The following P2RX6 variants were observed in gnomAD, a reference collection of about 807,000 sequenced individuals.
P2RX6 encodes the protein purinergic receptor P2X 6.
A neutral mutation model predicts 54.2 loss-of-function variants in P2RX6; 62 were observed. The observed-to-expected ratio is 1.14, with a 90% confidence interval of 0.93 to 1.41. P2RX6 has a LOEUF of 1.41. Among genes scored for constraint, P2RX6 ranks in the 40% most tolerant of loss-of-function variants. The pLI is 0.00. For missense variants in P2RX6, 541 were observed against 566.3 expected (o/e 0.96, Z 0.45); for synonymous variants, 211 against 231.9 (o/e 0.91, Z 0.82).
chr22:21,020,422 C>T (rs1310710369), intron 3 of P2RX6, among the ~76,000 whole-genome samples: 1 of 152,058 alleles, frequency 6.6e-6, no homozygotes, highest in Non-Finnish European at 1.5e-5. Context: ...ACCGCTGAGC[C>T]TCCCCGCTGG....
intron 2 of P2RX6, among the ~76,000 whole-genome samples, chr22:21,017,198 C>CT (rs1215140022): frequency 2.6e-5 from 4 of 152,202 alleles, no homozygotes; most frequent in African/African-American, 9.7e-5. Context: ...GCCTGCAGCG[C>CT]CTGCTTCTAC....
In P2RX6 at chr22:21,026,280, T is replaced by G. The variant is rs138894413; in HGVS notation, c.1079T>G (p.Leu360Arg). 1.2e-6 allele frequency: 2 copies of G among 1,606,044 alleles called. No homozygotes were observed. Among genetic ancestry groups the G allele is most frequent in the African/African-American group, 2.7e-5 (2 of 74,800 alleles). Residue 360 changes from leucine (L) to arginine (R), a missense_variant, in exon 11 of 12, where the codon CTG (leucine) becomes CGG (arginine). Transcript: ENST00000413302. The surrounding 1 kb of genome is among the most constrained non-coding windows in gnomAD (Gnocchi z 4.0). ...ACCTTTTTCTGTGACCTGCTACTGC[T>G]GTATGTGGATAGAGAAGCCCATTTC... The part of the protein sequence containing the change: ...VVTFFCDLLL[L>R]YVDREAHFYW...
chr22:21,015,058 A>G, upstream of P2RX6: 1 of 588,406 alleles, frequency 1.7e-6, no homozygotes, highest in East Asian at 3.4e-5. Flanking sequence ...TGGGTGTTGG[A>G]GGCTGGATCT....
At chr22:21,025,017 A>T (rs1335444512) in intron 8 of P2RX6, among the ~76,000 whole-genome samples, 1 of 149,494 alleles carries the variant, frequency 6.7e-6, no homozygotes, top group Non-Finnish European at 1.5e-5. Flanking sequence ...AGTAGCTGTG[A>T]TTACAGGTGC....
At chr22:21,013,105 G>T, upstream of P2RX6, 1 of 163,460 alleles carries the variant, frequency 6.1e-6, no homozygotes. Flanking sequence ...ACAGAAAGCA[G>T]AAGATGGGCA....
rs1348114409 is a variant in P2RX6, at chr22:21,025,996, T to C, written c.985-15T>C. 6.2e-7 allele frequency: 1 copy of C among 1,607,028 alleles called. No homozygotes were observed. The highest frequency in any genetic ancestry group is 8.5e-7 in the Non-Finnish European group (1 of 1,176,780). ...ACAGTCGTGGGCTGAGAGGTTCAGC[T>C]CAGATCTCTCTCAGGCAGGGAAGTT... On this transcript the variant is annotated splice_polypyrimidine_tract_variant and intron_variant, in intron 9 of 11. Transcript: ENST00000413302.
intron 3 of P2RX6, among the ~76,000 whole-genome samples, chr22:21,021,800 T>C (rs750662380): frequency 1.2e-4 from 19 of 152,104 alleles, no homozygotes; most frequent in Non-Finnish European, 2.6e-4. Context: ...AGCCCCATAG[T>C]CCTATGCCTC....
rs146295948 is a variant in P2RX6, at chr22:21,023,124, C to T, written c.564C>T (p.Pro188=). ...PVESGVVPSR[P]LLAQAQNFTL... is the part of the protein sequence containing the mutation. The stretch of plus-strand genomic sequence containing the variant: ...ACCTCCCTTCCACCTGCAGGAGGCC[C>T]CTGCTGGCCCAGGCCCAGAACTTCA... Residue 188 remains proline (P), a synonymous_variant, in exon 6 of 12, where the codon CCC becomes CCT. Coordinates refer to ENST00000413302, the MANE Select transcript of P2RX6 (RefSeq NM_005446.5). 25 of 1,613,920 alleles carry T rather than the reference C, an allele frequency of 1.5e-5. No individual in the cohort carries two copies. The Middle Eastern group carries it at 2.1e-3, about 138-fold the overall frequency.
In P2RX6 at chr22:21,023,409, C is replaced by T. The variant is rs374202799; in HGVS notation, c.773C>T (p.Ala258Val). 52 of 1,613,884 alleles carry T rather than the reference C, an allele frequency of 3.2e-5. 1 individual carries two copies. The highest frequency in any genetic ancestry group is 1.1e-4 in the African/African-American group (8 of 74,934). ...GCTGGAGGGACCTTCGAGGACCTGG[C>T]GTTGCTGGTGGGTCCCAAGTTGGGG... is the stretch of plus-strand genomic sequence containing the variant. Reference protein sequence around the residue: ...AKAGGTFEDLALLGGSVGIRV... With the variant: ...AKAGGTFEDLVLLGGSVGIRV... Residue 258 changes from alanine (A) to valine (V), a missense_variant, in exon 7 of 12, where the codon GCG becomes GTG. Ala to Val is a moderately conservative substitution (Grantham distance 64, BLOSUM62 0). Around this residue, in one of 2 missense-constraint regions of P2RX6, gnomAD observed 526 missense variants for 531.5 expected, o/e 0.99. Coordinates refer to ENST00000413302, the MANE Select transcript of P2RX6 (RefSeq NM_005446.5).
chr22:21,018,216 T>C lies in P2RX6; in HGVS notation c.387+156T>C, dbSNP rs539739664. The C allele has an allele frequency of 3.0e-4, 194 of 655,508 alleles. No individual in the cohort carries two copies. In the South Asian group the frequency reaches 3.2e-3, roughly 11 times the overall value. The allele number at this position is 655,508 out of a possible 1,614,324, so 40.6% of individuals were successfully genotyped here. A position where few individuals can be genotyped will look rare whatever the true frequency, so the allele number is the denominator to read the frequency against. On this transcript the variant is annotated intron_variant, in intron 3 of 11. Coordinates refer to ENST00000413302, the MANE Select transcript of P2RX6 (RefSeq NM_005446.5). ...GGCTACATCTTTTCCTGAATCATTA[T>C]GTTCAGTCTTCACATATCCCCTGCC...
upstream of P2RX6, among the ~76,000 whole-genome samples, chr22:21,012,289 C>A (rs889640035): frequency 1.3e-5 from 2 of 152,106 alleles, no homozygotes; most frequent in Non-Finnish European, 2.9e-5. Flanking sequence ...TGCCAGCCAA[C>A]AAGGAAGGAG....
intron 3 of P2RX6, 89 bp from the exon 4 acceptor site, chr22:21,022,587 C>T: frequency 9.9e-7 from 1 of 1,008,312 alleles, no homozygotes; most frequent in Non-Finnish European, 1.4e-6. Flanking sequence ...GCCTGTCCTT[C>T]CCACCTTGAA....
chr22:21,020,390 A>G (rs1289423678), intron 3 of P2RX6, among the ~76,000 whole-genome samples: 1 of 151,908 alleles, frequency 6.6e-6, no homozygotes, highest in Non-Finnish European at 1.5e-5. Flanking sequence ...TGCTCTTTAT[A>G]GTGTCACCTC....
At chr22:21,011,046 G>T (rs535459811), upstream of P2RX6, among the ~76,000 whole-genome samples, 1 of 152,262 alleles carries the variant, frequency 6.6e-6, no homozygotes, top group Non-Finnish European at 1.5e-5. Flanking sequence ...TTCTCTAGAA[G>T]CATAAACTAT....
rs770761383 is a variant in P2RX6, at chr22:21,026,911, C to T, written c.*294C>T. ...GCAGGGGCTCCTGCTGCGTCTGGGCCTGGAGGTCTCTCTCCCAGTGCTCTG... is the reference window on the plus strand; with the variant it reads ...GCAGGGGCTCCTGCTGCGTCTGGGCTTGGAGGTCTCTCTCCCAGTGCTCTG... On this transcript the variant is annotated 3_prime_UTR_variant, in exon 12 of 12. Coordinates refer to ENST00000413302, the MANE Select transcript of P2RX6 (RefSeq NM_005446.5). The surrounding 1 kb of genome is among the most constrained non-coding windows in gnomAD (Gnocchi z 4.0). 7 of 490,522 alleles carry T rather than the reference C, an allele frequency of 1.4e-5. No homozygotes were observed. Among genetic ancestry groups the T allele is most frequent in the Middle Eastern group, 5.6e-4 (1 of 1,786 alleles). 30.4% of individuals were successfully genotyped at this position (490,522 alleles called of 1,614,324 possible). A position where few individuals can be genotyped will look rare whatever the true frequency, so the allele number is the denominator to read the frequency against.
At chr22:21,010,592 C>G (rs1246972765), upstream of P2RX6, among the ~76,000 whole-genome samples, 2 of 152,094 alleles carry the variant, frequency 1.3e-5, no homozygotes, top group Non-Finnish European at 2.9e-5. Context: ...TTCAGCAGGT[C>G]CAGGGTCAAC....
chr22:21,015,899 A>G, intron 1 of P2RX6, 43 bp from the exon 2 acceptor site: 2 of 1,541,950 alleles, frequency 1.3e-6, no homozygotes, highest in Non-Finnish European at 8.8e-7. Context: ...CCCTGTCACT[A>G]CACGCTGGGG....
rs772339412 is a variant in P2RX6, at chr22:21,026,004, C to A, written c.985-7C>A. The stretch of plus-strand genomic sequence containing the variant: ...GGGCTGAGAGGTTCAGCTCAGATCT[C>A]TCTCAGGCAGGGAAGTTCGGGCTCA... On this transcript the variant is annotated splice_polypyrimidine_tract_variant and splice_region_variant and intron_variant, in intron 9 of 11. Transcript: ENST00000413302. The surrounding 1 kb of genome is among the most constrained non-coding windows in gnomAD (Gnocchi z 4.0). 3 of 1,609,340 alleles carry A rather than the reference C, an allele frequency of 1.9e-6. No individual in the cohort carries two copies. The highest frequency in any genetic ancestry group is 2.2e-5 in the East Asian group (1 of 44,690).
intron 3 of P2RX6, among the ~76,000 whole-genome samples, chr22:21,022,210 A>G (rs141782108): frequency 6.6e-6 from 1 of 152,240 alleles, no homozygotes; most frequent in African/African-American, 2.4e-5. Context: ...TCTACAAAAA[A>G]AAAATATTAA....
Sources: gnomAD v4.1 joint callset for allele counts (sites outside exome capture counted in the v4.1 genomes callset) on GRCh38, gnomAD v4.1.1 for gene constraint, gnomAD v4.1.1 regional missense constraint, Gnocchi (gnomAD v3.1) non-coding constraint, MANE v1.5 for transcripts, NCBI Gene and HGNC (gene_info 2026-07-23, HGNC 2026-07-21) for gene names.